Variants in SMYD3 observed in about 807,000 individuals in gnomAD.
The protein encoded by SMYD3 is SET and MYND domain containing 3.
SMYD3 carries 36 observed loss-of-function variants against 57.7 expected under a neutral mutation model. That is an observed-to-expected ratio of 0.62 (90% CI 0.48 to 0.82). The LOEUF (loss-of-function observed/expected upper bound fraction) is 0.82. Ranked by LOEUF, SMYD3 falls within the 40% of genes least tolerant of loss-of-function variation. The pLI, the probability that SMYD3 is intolerant of heterozygous loss-of-function variation, is 0.00. For synonymous variants in SMYD3, 211 were observed against 195.0 expected, an observed-to-expected ratio of 1.08 and a Z score of -0.68; for missense variants, 515 against 538.8, an observed-to-expected ratio of 0.96 and a Z score of 0.44.
intron 2 of SMYD3, among the ~76,000 whole-genome samples, chr1:246,346,245 T>C (rs938897934): frequency 2.0e-5 from 3 of 152,048 alleles, no homozygotes; most frequent in African/African-American, 7.2e-5. Context: ...GACGTTCTAC[T>C]GCACTCCAGT....
At chr1:246,408,894 T>C (rs2066914260) in intron 1 of SMYD3, among the ~76,000 whole-genome samples, 1 of 152,158 alleles carries the variant, frequency 6.6e-6, no homozygotes, top group African/African-American at 2.4e-5. Flanking sequence ...GGTCTCAAAC[T>C]CCTGACCTCA....
chr1:246,248,227 G>A (rs966324258), intron 5 of SMYD3, among the ~76,000 whole-genome samples: 1 of 152,134 alleles, frequency 6.6e-6, no homozygotes, highest in Non-Finnish European at 1.5e-5. Context: ...ATGATGTAAC[G>A]ATTCTGCCCA....
Position 246,312,984 on chromosome 1 carries a change from G to A in SMYD3, c.531+14217C>T, listed in dbSNP as rs150488847. 3.1e-3 allele frequency among the ~76,000 whole-genome samples: 465 copies of A among 152,046 alleles called. 3 individuals are homozygous for A. Among genetic ancestry groups the A allele is most frequent in the African/African-American group, 0.011 (442 of 41,482 alleles). ...GGCTGCAATGCAGTGGCACGTTCTC[G>A]GCTCACTGCAACCTCTACCTCCCAG... On this transcript the variant is annotated intron_variant, in intron 5 of 11. Transcript: ENST00000490107.
chr1:245,867,627 CAA>C (rs2051928771), intron 8 of SMYD3, among the ~76,000 whole-genome samples: 1 of 150,440 alleles, frequency 6.6e-6, no homozygotes. Context: ...GAACACACGG[CAA>C]GAGAAGATAT....
At chr1:246,496,504 T>A (rs1233811646) in intron 1 of SMYD3, among the ~76,000 whole-genome samples, 2 of 152,138 alleles carry the variant, frequency 1.3e-5, no homozygotes, top group Admixed American at 1.3e-4. Context: ...TTGCTTACAT[T>A]ATAATTCTCA....
At chr1:246,224,949 G>A (rs997245674) in intron 5 of SMYD3, among the ~76,000 whole-genome samples, 4 of 152,016 alleles carry the variant, frequency 2.6e-5, no homozygotes, top group African/African-American at 9.7e-5. Flanking sequence ...GCTATGTTGA[G>A]TTTGAGATGC....
At chr1:246,374,452 G>A (rs2066239050) in intron 1 of SMYD3, among the ~76,000 whole-genome samples, 1 of 152,062 alleles carries the variant, frequency 6.6e-6, no homozygotes, top group Admixed American at 6.6e-5. Flanking sequence ...CAGTGTAAGC[G>A]TCCTTTTTGC....
intron 5 of SMYD3, among the ~76,000 whole-genome samples, chr1:245,993,296 C>T (rs907832390): frequency 6.6e-6 from 1 of 152,144 alleles, no homozygotes; most frequent in African/African-American, 2.4e-5. Flanking sequence ...AGTCAGGATT[C>T]GAACCTAAGT....
At chr1:246,256,652 C>A (rs2063900110) in intron 5 of SMYD3, among the ~76,000 whole-genome samples, 1 of 152,094 alleles carries the variant, frequency 6.6e-6, no homozygotes. Context: ...ATATTAATTT[C>A]TGGGTCTCAA....
intron 1 of SMYD3, among the ~76,000 whole-genome samples, chr1:246,365,394 C>G (rs1322884923): frequency 1.4e-5 from 2 of 146,920 alleles, no homozygotes. Flanking sequence ...ACTTGGGAGG[C>G]TGAGGTGGGA....
At chr1:245,846,277 G>A (rs943276401) in intron 10 of SMYD3, among the ~76,000 whole-genome samples, 4 of 152,286 alleles carry the variant, frequency 2.6e-5, no homozygotes, top group East Asian at 1.9e-4. Flanking sequence ...GAATTCCATC[G>A]CAGTAGATCT....
At chr1:245,839,654 C>G (rs1292968609) in intron 10 of SMYD3, among the ~76,000 whole-genome samples, 1 of 151,812 alleles carries the variant, frequency 6.6e-6, no homozygotes, top group Non-Finnish European at 1.5e-5. Flanking sequence ...ACAGTAAAAC[C>G]CAGTGATTTG....
intron 5 of SMYD3, among the ~76,000 whole-genome samples, chr1:245,939,439 T>G (rs187235580): frequency 6.6e-6 from 1 of 151,988 alleles, no homozygotes; most frequent in East Asian, 1.9e-4. Flanking sequence ...GCCTGGCCAA[T>G]ATGGTGAAAC....
chr1:246,144,930 C>T lies in SMYD3; in HGVS notation c.531+182271G>A, dbSNP rs552234102. Among the ~76,000 whole-genome samples the T allele has an allele frequency of 2.6e-5, 4 of 152,288 alleles. No individual in the cohort carries two copies. In the East Asian group the frequency reaches 7.7e-4, roughly 29 times the overall value. On this transcript the variant is annotated intron_variant, in intron 5 of 11. Coordinates refer to ENST00000490107, the MANE Select transcript of SMYD3 (RefSeq NM_001167740.2). ...CCCGGATCTGGATAGCAAAAAACTT[C>T]CAGAAAGTCAACTTCCCCACCGCCT...
chr1:245,940,385 G>C (rs1437350603), intron 5 of SMYD3, among the ~76,000 whole-genome samples: 1 of 152,110 alleles, frequency 6.6e-6, no homozygotes, highest in Non-Finnish European at 1.5e-5. Flanking sequence ...CATTCTAGCT[G>C]GCATCAGGTC....
intron 10 of SMYD3, among the ~76,000 whole-genome samples, chr1:245,764,621 C>T (rs552635793): frequency 4.6e-5 from 7 of 151,988 alleles, no homozygotes; most frequent in Non-Finnish European, 8.8e-5. Context: ...CCCTTTTAAC[C>T]GCAAAGCCCT....
chr1:245,914,295 A>G (rs2055236159), intron 8 of SMYD3, among the ~76,000 whole-genome samples: 1 of 152,270 alleles, frequency 6.6e-6, no homozygotes, highest in Non-Finnish European at 1.5e-5. Flanking sequence ...ATAGAAAATC[A>G]GTATATCCAA....
chr1:245,983,963 T>C (rs2058651250), intron 5 of SMYD3, among the ~76,000 whole-genome samples: 1 of 151,988 alleles, frequency 6.6e-6, no homozygotes, highest in Non-Finnish European at 1.5e-5. Context: ...ACCTTAAATG[T>C]GTATTTCATT....
chr1:246,239,699 T>C (rs572987889), intron 5 of SMYD3, among the ~76,000 whole-genome samples: 3 of 152,268 alleles, frequency 2.0e-5, no homozygotes. Flanking sequence ...TAGTTTACAG[T>C]CCCACCAACA....
Sources: allele counts gnomAD v4.1 joint callset (sites outside exome capture counted in the v4.1 genomes callset), GRCh38; gene constraint gnomAD v4.1.1; transcripts MANE v1.5; gene names NCBI Gene and HGNC (gene_info 2026-07-23, HGNC 2026-07-21).